Variants in ARNT observed in about 807,000 individuals in gnomAD.
ARNT encodes the protein aryl hydrocarbon receptor nuclear translocator, also known as class E basic helix-loop-helix protein 2.
Under a neutral mutation model 105.0 loss-of-function variants are expected in ARNT, and 30 were observed. The ratio of observed to expected loss-of-function variants is 0.29; its 90% CI spans 0.21 to 0.39. The LOEUF (loss-of-function observed/expected upper bound fraction) is 0.39. Among genes scored for constraint, ARNT ranks in the 10% least tolerant of loss-of-function variants. ARNT has a pLI of 1.00. For missense variants in ARNT, 748 were observed against 978.7 expected, an observed-to-expected ratio of 0.76 and a Z score of 3.15; for synonymous variants, 304 against 344.0, an observed-to-expected ratio of 0.88 and a Z score of 1.29.
chr1:150,861,959 T>G (rs1233616607), intron 1 of ARNT, among the ~76,000 whole-genome samples: 2 of 152,216 alleles, frequency 1.3e-5, no homozygotes, highest in African/African-American at 4.8e-5. Context: ...TAAGGTAGTC[T>G]AGGCTAAGAA....
chr1:150,850,205 G>A (rs1663064865), intron 3 of ARNT, among the ~76,000 whole-genome samples: 1 of 152,136 alleles, frequency 6.6e-6, no homozygotes, highest in Non-Finnish European at 1.5e-5. Context: ...GCCCAACATG[G>A]TGAAACCCTG....
chr1:150,816,205 A>T (rs187038799), intron 19 of ARNT, 54 bp downstream of exon 19: 1 of 1,549,506 alleles, frequency 6.5e-7, no homozygotes. Context: ...TACGGAAAAA[A>T]GCCCAAACAA....
chr1:150,860,008 A>C (rs1378756537), intron 1 of ARNT, among the ~76,000 whole-genome samples: 3 of 151,060 alleles, frequency 2.0e-5, no homozygotes, highest in Non-Finnish European at 4.4e-5. Flanking sequence ...TCCTGTCTAA[A>C]AAAAAAAAAA....
At chr1:150,848,810 G>A (rs1446685720) in intron 3 of ARNT, among the ~76,000 whole-genome samples, 1 of 152,110 alleles carries the variant, frequency 6.6e-6, no homozygotes, top group African/African-American at 2.4e-5. Context: ...GGGATTACAG[G>A]TGTAAGCCAC....
intron 8 of ARNT, among the ~76,000 whole-genome samples, 153 bp downstream of exon 8, chr1:150,834,385 T>C (rs929111043): frequency 5.3e-5 from 8 of 152,232 alleles, no homozygotes; most frequent in Non-Finnish European, 1.2e-4. Flanking sequence ...GTTAGTTCCC[T>C]TTCCAAATAC....
At chr1:150,875,779 G>C (rs1398782962) in intron 1 of ARNT, among the ~76,000 whole-genome samples, 1 of 152,188 alleles carries the variant, frequency 6.6e-6, no homozygotes, top group African/African-American at 2.4e-5. Context: ...TTTTGAAATT[G>C]AGAAATGGTG....
Position 150,846,283 on chromosome 1 carries a change from G to A in ARNT, c.207C>T (p.Asn69=), listed in dbSNP as rs151081575. 59 of 1,613,292 alleles carry A rather than the reference G, an allele frequency of 3.7e-5. No homozygotes were observed. In the African/African-American group the frequency reaches 5.1e-4, roughly 14 times the overall value. ...FLRCDDDQMS[N]DKERFARSDD... ...ATTACCTGGCAAACCGCTCCTTATC[G>A]TTAGACATCTGATCATCATCACACC... Residue 69 remains asparagine, a synonymous_variant, in exon 4 of 22, where the codon AAC becomes AAT. Transcript: ENST00000358595.
intron 7 of ARNT, among the ~76,000 whole-genome samples, chr1:150,835,138 CAAA>C (rs11459475): frequency 7.4e-6 from 1 of 134,238 alleles, no homozygotes; most frequent in Non-Finnish European, 1.6e-5. Context: ...GACCTTGTCT[CAAA>C]AAAAAAAAAA....
chr1:150,825,309 T>A (rs1657976785), intron 13 of ARNT, among the ~76,000 whole-genome samples: 3 of 152,212 alleles, frequency 2.0e-5, no homozygotes, highest in African/African-American at 7.2e-5. Flanking sequence ...GGTGATGTGT[T>A]TTATATTCAT....
At chr1:150,813,368 CT>C in intron 20 of ARNT, 30 bp from the exon 21 acceptor site, 1 of 1,577,448 alleles carries the variant, frequency 6.3e-7, no homozygotes, top group South Asian at 1.2e-5. Flanking sequence ...GAATAAACAA[CT>C]CCAATCTACA....
chr1:150,821,198 G>GCAAC (rs1259786241), intron 14 of ARNT, among the ~76,000 whole-genome samples: 1 of 152,182 alleles, frequency 6.6e-6, no homozygotes, highest in East Asian at 1.9e-4. Flanking sequence ...GAAGTGGCAA[G>GCAAC]CAACCACAGC....
intron 5 of ARNT, among the ~76,000 whole-genome samples, chr1:150,842,086 G>T (rs899731512): frequency 2.0e-5 from 3 of 152,110 alleles, no homozygotes; most frequent in Non-Finnish European, 4.4e-5. Context: ...CTGATAAAAA[G>T]AGTATTTCCC....
intron 14 of ARNT, among the ~76,000 whole-genome samples, chr1:150,819,658 T>C (rs189046451): frequency 3.9e-5 from 6 of 152,208 alleles, no homozygotes; most frequent in Admixed American, 2.0e-4. Context: ...CTAAGTAAAA[T>C]AGGCCAGTTA....
chr1:150,872,806 T>A (rs140757868), intron 1 of ARNT, among the ~76,000 whole-genome samples: 3 of 151,704 alleles, frequency 2.0e-5, no homozygotes, highest in African/African-American at 4.8e-5. Flanking sequence ...CTAAAAAAAA[T>A]TTAAAATTAG....
At chr1:150,815,004 G>C (rs10305742) in intron 19 of ARNT, among the ~76,000 whole-genome samples, 1 of 151,970 alleles carries the variant, frequency 6.6e-6, no homozygotes, top group Non-Finnish European at 1.5e-5. Context: ...GAAAGTGAAG[G>C]AAAATATAAA....
chr1:150,840,770 A>G (rs962874078), intron 5 of ARNT, among the ~76,000 whole-genome samples: 3 of 152,204 alleles, frequency 2.0e-5, no homozygotes, highest in Non-Finnish European at 4.4e-5. Flanking sequence ...GACTTCCTCA[A>G]AATTAAGACA....
At chr1:150,843,985 G>A (rs2102014492) in intron 4 of ARNT, among the ~76,000 whole-genome samples, 1 of 152,184 alleles carries the variant, frequency 6.6e-6, no homozygotes, top group East Asian at 1.9e-4. Context: ...CAGTATTTCT[G>A]AATGAAATAT....
At chr1:150,813,089 G>A (rs951846297) in intron 21 of ARNT, 83 bp downstream of exon 21, 3 of 1,472,108 alleles carry the variant, frequency 2.0e-6, no homozygotes, top group Non-Finnish European at 2.8e-6. Flanking sequence ...CTCAATCCAG[G>A]CATGCTTCCT....
chr1:150,847,649 G>A (rs1018353016), intron 3 of ARNT, among the ~76,000 whole-genome samples: 1 of 152,026 alleles, frequency 6.6e-6, no homozygotes, highest in Non-Finnish European at 1.5e-5. Flanking sequence ...AAAGACTAGT[G>A]GTTACCCTCA....
Sources: allele counts gnomAD v4.1 joint callset (sites outside exome capture counted in the v4.1 genomes callset), GRCh38; gene constraint gnomAD v4.1.1; transcripts MANE v1.5; gene names NCBI Gene and HGNC (gene_info 2026-07-23, HGNC 2026-07-21).